The following ALK variants were observed in gnomAD, a reference collection of about 807,000 sequenced individuals.
ALK encodes the protein ALK receptor tyrosine kinase.
In ALK, 74 loss-of-function variants were observed where a neutral mutation model predicts 163.1. That is an observed-to-expected ratio of 0.45 (90% CI 0.38 to 0.55). ALK has a LOEUF of 0.55. ALK is among the 20% of genes least tolerant of loss of function. The probability of loss-of-function intolerance (pLI) is 0.00; values close to 1 mark genes in which losing one functional copy is unlikely to be tolerated. For missense variants in ALK, 2,063 were observed against 2,105.3 expected, an observed-to-expected ratio of 0.98 and a Z score of 0.39; for synonymous variants, 960 against 843.2, an observed-to-expected ratio of 1.14 and a Z score of -2.40.
intron 1 of ALK, among the ~76,000 whole-genome samples, chr2:29,757,337 T>C (rs1680563943): frequency 6.6e-6 from 1 of 152,100 alleles, no homozygotes; most frequent in African/African-American, 2.4e-5. Context: ...ATCACCCCCA[T>C]TTTGCAGTTG....
At chr2:29,763,096 A>G (rs1422063258) in intron 1 of ALK, among the ~76,000 whole-genome samples, 2 of 151,744 alleles carry the variant, frequency 1.3e-5, no homozygotes, top group African/African-American at 2.4e-5. Context: ...CAAAAAAAAA[A>G]AAAAAAAAAA....
intron 1 of ALK, among the ~76,000 whole-genome samples, chr2:29,912,180 A>C (rs913814107): frequency 1.3e-5 from 2 of 152,160 alleles, no homozygotes; most frequent in Non-Finnish European, 2.9e-5. Context: ...TGGTGCAGGA[A>C]AAAAAGGAGA....
chr2:29,916,153 C>T (rs563512268), intron 1 of ALK, among the ~76,000 whole-genome samples: 18 of 152,328 alleles, frequency 1.2e-4, no homozygotes, highest in Middle Eastern at 3.4e-3. Flanking sequence ...GTCTGACCCA[C>T]ATCTCACCTG....
intron 5 of ALK, among the ~76,000 whole-genome samples, chr2:29,331,233 A>G (rs936244259): frequency 9.9e-5 from 15 of 152,238 alleles, no homozygotes; most frequent in Admixed American, 8.5e-4. Flanking sequence ...TAGCCTAAGC[A>G]AGGTTTCCCC....
intron 4 of ALK, among the ~76,000 whole-genome samples, chr2:29,511,869 CT>C (rs1241761816): frequency 6.6e-6 from 1 of 152,014 alleles, no homozygotes; most frequent in Non-Finnish European, 1.5e-5. Flanking sequence ...TGTTGAGCAT[CT>C]TTTCATATGT....
intron 4 of ALK, among the ~76,000 whole-genome samples, chr2:29,504,751 T>C (rs72859933): frequency 0.068 from 10,314 of 152,138 alleles, 1,091 homozygotes; most frequent in African/African-American, 0.23. Flanking sequence ...CCATAGCAGA[T>C]AGGGAGCCAG....
chr2:29,714,591 C>T (rs1334449522), intron 2 of ALK, among the ~76,000 whole-genome samples: 1 of 152,108 alleles, frequency 6.6e-6, no homozygotes, highest in Non-Finnish European at 1.5e-5. Flanking sequence ...CACTCTCACT[C>T]CCCCACCCTG....
At chr2:29,371,821 C>G (rs923526505) in intron 5 of ALK, among the ~76,000 whole-genome samples, 1 of 152,160 alleles carries the variant, frequency 6.6e-6, no homozygotes, top group Admixed American at 6.5e-5. Context: ...TCCTCTCCAG[C>G]TGGTGATCCC....
intron 1 of ALK, among the ~76,000 whole-genome samples, chr2:29,854,337 T>C (rs1666085133): frequency 6.6e-6 from 1 of 152,190 alleles, no homozygotes; most frequent in African/African-American, 2.4e-5. Context: ...GTTTTGGTTA[T>C]GAAGGTGAAT....
intron 1 of ALK, among the ~76,000 whole-genome samples, chr2:29,806,198 A>G (rs971372020): frequency 2.6e-5 from 4 of 152,172 alleles, no homozygotes; most frequent in Non-Finnish European, 5.9e-5. Flanking sequence ...CTAAGGTAAG[A>G]GGTCAGAGAG....
chr2:29,860,817 G>C (rs966254238), intron 1 of ALK, among the ~76,000 whole-genome samples: 2 of 152,108 alleles, frequency 1.3e-5, no homozygotes, highest in Non-Finnish European at 2.9e-5. Context: ...AAAATATCTT[G>C]AGACAAAATT....
chr2:29,326,386 G>A (rs929594241), intron 6 of ALK, among the ~76,000 whole-genome samples: 1 of 152,198 alleles, frequency 6.6e-6, no homozygotes, highest in African/African-American at 2.4e-5. Flanking sequence ...GTCAATCAGG[G>A]CATGGCCTGC....
intron 1 of ALK, among the ~76,000 whole-genome samples, chr2:29,889,695 C>CAGAGAGAGAGAGAG (rs869083201): frequency 3.9e-5 from 4 of 101,944 alleles, no homozygotes; most frequent in East Asian, 7.7e-4. Context: ...GATAGATAGA[C>CAGAGAGAGAGAGAG]AGAGAGAGAG....
At chr2:29,543,705 C>A (rs1573444101) in intron 3 of ALK, among the ~76,000 whole-genome samples, 1 of 152,206 alleles carries the variant, frequency 6.6e-6, no homozygotes, top group South Asian at 2.1e-4. Flanking sequence ...AGATAGGACA[C>A]CTCCTCTATT....
At chr2:29,404,027 G>A (rs764563484) in intron 4 of ALK, among the ~76,000 whole-genome samples, 1 of 152,076 alleles carries the variant, frequency 6.6e-6, no homozygotes, top group Non-Finnish European at 1.5e-5. Context: ...TTGTAGGCCG[G>A]GCATGTTAGC....
chr2:29,692,331 A>G (rs1005397289), intron 3 of ALK, among the ~76,000 whole-genome samples: 1 of 152,218 alleles, frequency 6.6e-6, no homozygotes, highest in African/African-American at 2.4e-5. Context: ...ATGAAATGGA[A>G]GATGTTCTGA....
chr2:29,330,654 C>A lies in ALK; in HGVS notation c.1283-2173G>T, dbSNP rs559894073. ...CTATGTGGTAAAAGAGGCTTTGCTG[C>A]TGTGATTAAGAATCTTTAGCTGGAG... is the stretch of plus-strand genomic sequence containing the variant. On this transcript the variant is annotated intron_variant, in intron 5 of 28. Coordinates refer to ENST00000389048, the MANE Select transcript of ALK (RefSeq NM_004304.5). Among the ~76,000 whole-genome samples, 92 of 152,298 alleles carry A rather than the reference C, an allele frequency of 6.0e-4. 1 individual carries two copies. The highest frequency in any genetic ancestry group is 3.4e-3 in the Middle Eastern group (1 of 294).
chr2:29,507,843 T>C (rs1392084403), intron 4 of ALK, among the ~76,000 whole-genome samples: 2 of 152,160 alleles, frequency 1.3e-5, no homozygotes, highest in Non-Finnish European at 2.9e-5. Flanking sequence ...AGTTGATGTA[T>C]CTGAAGGCCT....
At chr2:29,737,650 C>T (rs114540564) in intron 1 of ALK, among the ~76,000 whole-genome samples, 1,974 of 152,100 alleles carry the variant, frequency 0.013, 58 homozygotes, top group African/African-American at 0.045. Context: ...AACTGGCAAA[C>T]TAGGGAATCC....
Sources: gnomAD v4.1 joint callset for allele counts (sites outside exome capture counted in the v4.1 genomes callset) on GRCh38, gnomAD v4.1.1 for gene constraint, MANE v1.5 for transcripts, NCBI Gene and HGNC (gene_info 2026-07-23, HGNC 2026-07-21) for gene names.